The following LRRTM4 variants were observed in gnomAD, a reference collection of about 807,000 sequenced individuals.
The protein encoded by LRRTM4 is leucine-rich repeat transmembrane neuronal protein 4.
LRRTM4 carries 25 observed loss-of-function variants against 47.6 expected under a neutral mutation model. That is an observed-to-expected ratio of 0.53 (90% CI 0.38 to 0.73). The LOEUF is 0.73. LRRTM4 is among the 30% of genes least tolerant of loss of function. The pLI is 0.00. For synonymous variants in LRRTM4, 311 were observed against 269.5 expected (o/e 1.15, Z -1.51); for missense variants, 638 against 713.4 (o/e 0.89, Z 1.20).
At chr2:77,028,442 G>A (rs1408716789) in intron 3 of LRRTM4, among the ~76,000 whole-genome samples, 2 of 152,080 alleles carry the variant, frequency 1.3e-5, no homozygotes, top group African/African-American at 4.8e-5. Flanking sequence ...AATCCCAAGA[G>A]AGTATAAAGA....
chr2:77,360,070 T>C (rs1156693495), intron 3 of LRRTM4, among the ~76,000 whole-genome samples: 1 of 152,198 alleles, frequency 6.6e-6, no homozygotes, highest in Non-Finnish European at 1.5e-5. Flanking sequence ...TTTAGATAAG[T>C]ATATGATAAC....
chr2:76,779,069 T>A (rs1220664975), intron 3 of LRRTM4, among the ~76,000 whole-genome samples: 1 of 144,280 alleles, frequency 6.9e-6, no homozygotes, highest in African/African-American at 2.6e-5. Flanking sequence ...AGTTGAGTGG[T>A]TTTGAGTGAG....
intron 3 of LRRTM4, among the ~76,000 whole-genome samples, chr2:77,049,701 G>A (rs1010910924): frequency 6.6e-6 from 1 of 151,750 alleles, no homozygotes; most frequent in Non-Finnish European, 1.5e-5. Flanking sequence ...CCACTTGTAT[G>A]ATGAATAGTA....
chr2:77,461,542 A>G (rs1034126696), intron 3 of LRRTM4, among the ~76,000 whole-genome samples: 4 of 152,128 alleles, frequency 2.6e-5, no homozygotes, highest in East Asian at 3.8e-4. Flanking sequence ...ACAGAAATAT[A>G]GCACAAAACT....
At chr2:77,048,145 A>G (rs962824372) in intron 3 of LRRTM4, among the ~76,000 whole-genome samples, 1 of 152,098 alleles carries the variant, frequency 6.6e-6, no homozygotes, top group Admixed American at 6.6e-5. Flanking sequence ...TGTTAGGGAA[A>G]AAATGAAGCA....
intron 3 of LRRTM4, among the ~76,000 whole-genome samples, chr2:77,271,517 A>T (rs973451825): frequency 5.9e-5 from 9 of 152,102 alleles, no homozygotes; most frequent in African/African-American, 2.2e-4. Flanking sequence ...AAAGAGGTTG[A>T]GTGCGGGGGG....
chr2:76,927,194 C>A (rs1674615031), intron 3 of LRRTM4, among the ~76,000 whole-genome samples: 1 of 152,038 alleles, frequency 6.6e-6, no homozygotes, highest in Admixed American at 6.6e-5. Context: ...CTTTGCTAGA[C>A]CTGCATAGTA....
At chr2:77,018,809 C>A (rs1039522161) in intron 3 of LRRTM4, among the ~76,000 whole-genome samples, 1 of 147,336 alleles carries the variant, frequency 6.8e-6, no homozygotes, top group African/African-American at 2.6e-5. Context: ...ACATAATAAA[C>A]AATTGGTATG....
At chr2:76,805,686 A>G (rs192522699) in intron 3 of LRRTM4, among the ~76,000 whole-genome samples, 22 of 152,352 alleles carry the variant, frequency 1.4e-4, no homozygotes, top group Non-Finnish European at 2.8e-4. Flanking sequence ...GATTTAAGAT[A>G]CTAATGACGC....
chr2:77,221,888 A>G (rs1470456358), intron 3 of LRRTM4, among the ~76,000 whole-genome samples: 1 of 152,180 alleles, frequency 6.6e-6, no homozygotes, highest in Non-Finnish European at 1.5e-5. Flanking sequence ...TCCACCCCAA[A>G]TCAACAGAAT....
At chr2:77,470,120 G>C (rs976061828) in intron 3 of LRRTM4, among the ~76,000 whole-genome samples, 2 of 152,104 alleles carry the variant, frequency 1.3e-5, no homozygotes, top group Admixed American at 6.5e-5. Flanking sequence ...ACCAGCAGGG[G>C]CATATATTTG....
At chr2:77,463,643 T>C (rs181737127) in intron 3 of LRRTM4, among the ~76,000 whole-genome samples, 77 of 152,250 alleles carry the variant, frequency 5.1e-4, no homozygotes, top group African/African-American at 1.7e-3. Context: ...CTAAAAGTGA[T>C]GCTGAGATTG....
Position 76,888,581 on chromosome 2 carries a change from T to A in LRRTM4, c.1552-139665A>T, listed in dbSNP as rs1673152581. Among the ~76,000 whole-genome samples the A allele has an allele frequency of 3.3e-5, 5 of 151,892 alleles. No homozygotes were observed. The South Asian group carries it at 1.0e-3, about 32-fold the overall frequency. Reference sequence around the variant, plus strand: ...GCTAAACTTACTTCAAGTAAAAAAATTAATAGATATACTTTGCAATTAACC... The same window carrying A: ...GCTAAACTTACTTCAAGTAAAAAAAATAATAGATATACTTTGCAATTAACC... On this transcript the variant is annotated intron_variant, in intron 3 of 3. Coordinates refer to ENST00000409884, the MANE Select transcript of LRRTM4 (RefSeq NM_001134745.3).
chr2:76,957,325 G>C (rs1675707380), intron 3 of LRRTM4, among the ~76,000 whole-genome samples: 1 of 151,616 alleles, frequency 6.6e-6, no homozygotes, highest in Non-Finnish European at 1.5e-5. Context: ...AAGTTTTAGA[G>C]ATATGCTCTA....
chr2:77,518,129 TAAA>T (rs36044249), intron 3 of LRRTM4, 186 bp downstream of exon 3: 13,763 of 1,165,244 alleles, frequency 0.012, no homozygotes, highest in Middle Eastern at 0.015. Context: ...TTCAACCATT[TAAA>T]AAAAAAAAAA....
At chr2:76,871,632 T>C (rs920473243) in intron 3 of LRRTM4, among the ~76,000 whole-genome samples, 16 of 152,300 alleles carry the variant, frequency 1.1e-4, no homozygotes, top group African/African-American at 3.6e-4. Flanking sequence ...CCTCTCCCCA[T>C]GAATGGGCAG....
At chr2:76,936,111 T>G (rs866016742) in intron 3 of LRRTM4, among the ~76,000 whole-genome samples, 1 of 152,282 alleles carries the variant, frequency 6.6e-6, no homozygotes, top group East Asian at 1.9e-4. Flanking sequence ...GGATTATAAA[T>G]CATTCTCCTA....
chr2:77,108,277 G>C (rs2103927408), intron 3 of LRRTM4, among the ~76,000 whole-genome samples: 1 of 152,098 alleles, frequency 6.6e-6, no homozygotes, highest in South Asian at 2.1e-4. Context: ...AAGAGAAAGA[G>C]GAGGCAGTGG....
chr2:77,098,969 GAA>G (rs1670880138), intron 3 of LRRTM4, among the ~76,000 whole-genome samples: 1 of 151,950 alleles, frequency 6.6e-6, no homozygotes, highest in African/African-American at 2.4e-5. Context: ...ATAAAAGTCT[GAA>G]AGTGTCAAAT....
Sources: gnomAD v4.1 joint callset for allele counts (sites outside exome capture counted in the v4.1 genomes callset) on GRCh38, gnomAD v4.1.1 for gene constraint, MANE v1.5 for transcripts, NCBI Gene and HGNC (gene_info 2026-07-23, HGNC 2026-07-21) for gene names.